ARRDC1: variants seen among roughly 807,000 people sequenced by gnomAD.
The protein encoded by ARRDC1 is arrestin domain containing 1.
Under a neutral mutation model 40.1 loss-of-function variants are expected in ARRDC1, and 37 were observed. That is an observed-to-expected ratio of 0.92 (90% CI 0.71 to 1.21). The LOEUF (loss-of-function observed/expected upper bound fraction) is 1.21, where lower values mean the gene tolerates loss of function less well. Ranked by LOEUF, ARRDC1 falls within the 50% of genes most tolerant of loss-of-function variation. The pLI, the probability that ARRDC1 is intolerant of heterozygous loss-of-function variation, is 0.00. For missense variants in ARRDC1, 641 were observed against 581.9 expected, an observed-to-expected ratio of 1.10 and a Z score of -1.04; for synonymous variants, 310 against 262.5, an observed-to-expected ratio of 1.18 and a Z score of -1.75.
intron 1 of ARRDC1, among the ~76,000 whole-genome samples, chr9:137,607,355 C>T (rs951753277): frequency 2.0e-5 from 3 of 152,210 alleles, no homozygotes; most frequent in African/African-American, 7.2e-5. Context: ...AGGAGGACAG[C>T]AGCCCTGCCT....
At chr9:137,610,003 C>T (rs112671121) in intron 1 of ARRDC1, among the ~76,000 whole-genome samples, 1 of 151,590 alleles carries the variant, frequency 6.6e-6, no homozygotes, top group Non-Finnish European at 1.5e-5. Context: ...TTAGTAGAGA[C>T]GGGGGTTTCA....
chr9:137,605,985 C>T (rs970813599), intron 1 of ARRDC1, 150 bp downstream of exon 1: 52 of 391,538 alleles, frequency 1.3e-4, no homozygotes, highest in African/African-American at 1.1e-3. Flanking sequence ...TCGGCGGCGC[C>T]GGGGAGGTCC....
chr9:137,608,266 C>T (rs1842457858), intron 1 of ARRDC1, among the ~76,000 whole-genome samples: 1 of 152,244 alleles, frequency 6.6e-6, no homozygotes, highest in Non-Finnish European at 1.5e-5. Context: ...CAGGCGTGAG[C>T]CACCGTGCCT....
In ARRDC1 at chr9:137,614,726, T is replaced by G. The variant is rs770724737; in HGVS notation, c.963T>G (p.Ala321=). ...APPQEEAEAE[A]AAGGPHFLDP... ...CCCAGGAGGAGGCTGAGGCTGAGGC[T>G]GCGGCTGGCGGCCCCCACTTCTTGG... Residue 321 remains alanine, a synonymous_variant, in exon 7 of 8, where the codon GCT becomes GCG. Transcript: ENST00000371421. The G allele has an allele frequency of 2.5e-6, 4 of 1,608,698 alleles. No homozygotes were observed. The South Asian group carries it at 4.4e-5, about 18-fold the overall frequency.
Position 137,615,091 on chromosome 9 carries a change from G to T in ARRDC1, c.1255G>T (p.Glu419Ter). 1 of 1,581,116 alleles carries T rather than the reference G, an allele frequency of 6.3e-7. No individual in the cohort carries two copies. The highest frequency in any genetic ancestry group is 2.2e-5 in the East Asian group (1 of 44,496). Residue 419 changes from glutamate to a stop codon, truncating the protein, a stop_gained, in exon 8 of 8, where the codon GAG (glutamate) becomes TAG (stop). Transcript: ENST00000371421. LOFTEE classifies it high-confidence loss of function. ...TCCCGCAGAGGCCCCACCGTCTTAT[G>T]AGCAGAGCTGCGGCGGCGTGGAACC... ...GYPYEAPPSYEQSCGGVEPSL... is the reference protein window; with the variant it reads ...GYPYEAPPSY
chr9:137,614,816 T>C lies in ARRDC1; in HGVS notation c.1053T>C (p.Ser351=). The change falls in exon 7 of 8, where the codon TCT becomes TCC. Residue 351 remains serine, a synonymous_variant. Coordinates refer to ENST00000371421, the MANE Select transcript of ARRDC1 (RefSeq NM_152285.4). ...AGCCCCTGCTGGCCACCTTGAGTTCTGTGCCTGGTGCGCCGGAGCCCTGCC... is the reference window on the plus strand; with the variant it reads ...AGCCCCTGCTGGCCACCTTGAGTTCCGTGCCTGGTGCGCCGGAGCCCTGCC... ...QRQPLLATLS[S]VPGAPEPCPQ... is the part of the protein sequence containing the mutation. The C allele has an allele frequency of 1.2e-6, 2 of 1,613,200 alleles. No homozygotes were observed. The highest frequency in any genetic ancestry group is 1.1e-5 in the South Asian group (1 of 91,078).
rs1256020363 is a variant in ARRDC1 at position 137,614,480 on chromosome 9, G to C, written c.795+5G>C. On this transcript the variant is annotated splice_donor_5th_base_variant and intron_variant, in intron 6 of 7. Coordinates refer to ENST00000371421, the MANE Select transcript of ARRDC1 (RefSeq NM_152285.4). ...CACATCGACTACTACTTACAGGTTT[G>C]GTGCTGCTGGGGGCTGGGTGGTCTG... 6.2e-7 allele frequency: 1 copy of C among 1,613,298 alleles called. No homozygotes were observed. The highest frequency in any genetic ancestry group is 8.5e-7 in the Non-Finnish European group (1 of 1,179,964).
Position 137,614,045 on chromosome 9 carries a change from C to T in ARRDC1, c.449C>T (p.Ala150Val), listed in dbSNP as rs1842600913. Reference sequence around the variant, plus strand: ...CCTCCCCCCAAGCAACCCAACGTGGCCTCTGCCACCAAGAAGTTCTCCTAC... The same window carrying T: ...CCTCCCCCCAAGCAACCCAACGTGGTCTCTGCCACCAAGAAGTTCTCCTAC... The part of the protein sequence containing the change: ...SIPDIEQPNV[A>V]SATKKFSYKL... Residue 150 changes from alanine to valine, a missense_variant, in exon 5 of 8, where the codon GCC becomes GTC. Physicochemically the swap from Ala to Val is moderately conservative, Grantham distance 64. Transcript: ENST00000371421. 1 of 1,613,782 alleles carries T rather than the reference C, an allele frequency of 6.2e-7. No homozygotes were observed. Among genetic ancestry groups the T allele is most frequent in the Non-Finnish European group, 8.5e-7 (1 of 1,179,990 alleles).
chr9:137,607,336 TC>T (rs1842441116), intron 1 of ARRDC1, among the ~76,000 whole-genome samples: 2 of 152,160 alleles, frequency 1.3e-5, no homozygotes, highest in Non-Finnish European at 2.9e-5. Flanking sequence ...AGGGAGGCCC[TC>T]AGCCCCCAGG....
Position 137,605,816 on chromosome 9 carries a change from G to A in ARRDC1, c.99G>A (p.Gly33=), listed in dbSNP as rs562332893. 1.6e-6 allele frequency: 2 copies of A among 1,276,998 alleles called. No individual in the cohort carries two copies. Among genetic ancestry groups the A allele is most frequent in the Non-Finnish European group, 2.0e-6 (2 of 1,011,614 alleles). 79.1% of individuals were successfully genotyped at this position (1,276,998 alleles called of 1,614,324 possible). The change falls in exon 1 of 8, where the codon GGG becomes GGA. Residue 33 remains glycine (G), a synonymous_variant. Coordinates refer to ENST00000371421, the MANE Select transcript of ARRDC1 (RefSeq NM_152285.4). ...CTGGGACCGTGCGCGTGCGCCTGGGGGCACCGCTGCCGTTCCGAGGTGGGC... is the reference window on the plus strand; with the variant it reads ...CTGGGACCGTGCGCGTGCGCCTGGGAGCACCGCTGCCGTTCCGAGGTGGGC... The part of the protein sequence containing the change: ...PLAGTVRVRL[G]APLPFRAIRV...
chr9:137,607,243 A>C (rs1842439838), intron 1 of ARRDC1, among the ~76,000 whole-genome samples: 1 of 152,246 alleles, frequency 6.6e-6, no homozygotes, highest in African/African-American at 2.4e-5. Context: ...GGTTTCCCCC[A>C]GCCCTGCCTG....
intron 1 of ARRDC1, among the ~76,000 whole-genome samples, chr9:137,606,657 T>C (rs1266491139): frequency 1.3e-5 from 2 of 152,220 alleles, no homozygotes; most frequent in Non-Finnish European, 2.9e-5. Context: ...CCTGAGGCTG[T>C]GGGGCCTCGG....
At chr9:137,613,842 T>C (rs1372996076) in intron 4 of ARRDC1, 73 bp downstream of exon 4, 1 of 1,583,444 alleles carries the variant, frequency 6.3e-7, no homozygotes, top group African/African-American at 1.3e-5. Flanking sequence ...GGGCAGGCAC[T>C]GCTTCATCCC....
chr9:137,606,803 C>G (rs113257331), intron 1 of ARRDC1, among the ~76,000 whole-genome samples: 2 of 152,202 alleles, frequency 1.3e-5, no homozygotes, highest in African/African-American at 4.8e-5. Context: ...CGTGGCAGGG[C>G]AGAGATAGCA....
chr9:137,614,505 G>A (rs1050644619), intron 6 of ARRDC1, 30 bp downstream of exon 6: 2 of 1,612,972 alleles, frequency 1.2e-6, no homozygotes, highest in African/African-American at 2.7e-5. Flanking sequence ...TGGGTGGTCT[G>A]AGGCCTAGTG....
In ARRDC1 at chr9:137,612,941, C is replaced by G; in HGVS notation, c.164C>G (p.Ala55Gly). 1 of 1,614,204 alleles carries G rather than the reference C, an allele frequency of 6.2e-7. No homozygotes were observed. Among genetic ancestry groups the G allele is most frequent in the Non-Finnish European group, 8.5e-7 (1 of 1,180,012 alleles). Residue 55 changes from alanine (A) to glycine (G), a missense_variant, in exon 2 of 8, where the codon GCT becomes GGT. Transcript: ENST00000371421. ...CIGSCGVSNK[A>G]NDTAWVVEEG... Reference sequence around the variant, plus strand: ...GGTTCCTGCGGGGTCTCCAACAAGGCTAATGACACAGCGTGGGTAGTGGAG... The same window carrying G: ...GGTTCCTGCGGGGTCTCCAACAAGGGTAATGACACAGCGTGGGTAGTGGAG...
chr9:137,609,144 C>T (rs537585667), intron 1 of ARRDC1, among the ~76,000 whole-genome samples: 1 of 152,244 alleles, frequency 6.6e-6, no homozygotes, highest in African/African-American at 2.4e-5. Context: ...TAGACCTGTC[C>T]CACTCTTTGC....
At position 137,613,372 on chromosome 9, in the gene ARRDC1, C is replaced by A. The variant is rs564126036; in HGVS notation, c.230-88C>A. 4.5e-5 allele frequency: 65 copies of A among 1,432,710 alleles called. No homozygotes were observed. The South Asian group carries it at 7.6e-4, about 17-fold the overall frequency. 88.7% of individuals were successfully genotyped at this position (1,432,710 alleles called of 1,614,324 possible). On this transcript the variant is annotated intron_variant, in intron 2 of 7. Transcript: ENST00000371421. ...GGGAGACCCAGTGTGAGCTGGTCAG[C>A]TGCAGTGCCCACTCTTATCCTGGCC...
chr9:137,607,756 C>G (rs548593374), intron 1 of ARRDC1, among the ~76,000 whole-genome samples: 1 of 152,014 alleles, frequency 6.6e-6, no homozygotes, highest in Non-Finnish European at 1.5e-5. Context: ...GGCGTGAGTC[C>G]TTTGGGATGA....
Sources: gnomAD v4.1 joint callset for allele counts (sites outside exome capture counted in the v4.1 genomes callset) on GRCh38, gnomAD v4.1.1 for gene constraint, MANE v1.5 for transcripts, NCBI Gene and HGNC (gene_info 2026-07-23, HGNC 2026-07-21) for gene names.